The following PTPN14 variants were observed in gnomAD, a reference collection of about 807,000 sequenced individuals.
PTPN14 encodes the protein tyrosine-protein phosphatase non-receptor type 14.
PTPN14 carries 53 observed loss-of-function variants against 126.8 expected under a neutral mutation model. That is an observed-to-expected ratio of 0.42 (90% confidence interval 0.34 to 0.53). The LOEUF is 0.53. Ranked by LOEUF, PTPN14 falls within the 20% of genes least tolerant of loss-of-function variation. The probability of loss-of-function intolerance (pLI) is 0.08; values close to 1 mark genes in which losing one functional copy is unlikely to be tolerated. For synonymous variants in PTPN14, 630 were observed against 599.3 expected (o/e 1.05, Z -0.75); for missense variants, 1,257 against 1,552.9 (o/e 0.81, Z 3.20).
chr1:214,512,501 C>T (rs139518293), intron 1 of PTPN14, among the ~76,000 whole-genome samples: 60 of 152,138 alleles, frequency 3.9e-4, no homozygotes, highest in African/African-American at 1.3e-3. Flanking sequence ...CTAAAGTAGT[C>T]AAGTTCATGG....
intron 1 of PTPN14, among the ~76,000 whole-genome samples, chr1:214,479,378 C>T (rs1328119763): frequency 4.8e-5 from 7 of 146,676 alleles, no homozygotes; most frequent in South Asian, 4.4e-4. Context: ...CTCGCTCTGT[C>T]GCCCAGGCTG....
chr1:214,511,598 G>A (rs1654975705), intron 1 of PTPN14, among the ~76,000 whole-genome samples: 1 of 152,120 alleles, frequency 6.6e-6, no homozygotes, highest in South Asian at 2.1e-4. Context: ...AGCTGCTACA[G>A]AAAACAGTTC....
intron 3 of PTPN14, among the ~76,000 whole-genome samples, chr1:214,433,941 CACACACACACAAAAAAA>C (rs1418220185): frequency 2.3e-4 from 4 of 17,708 alleles, no homozygotes; most frequent in South Asian, 1.9e-3. Flanking sequence ...CACACACACA[CACACACACACAAAAAAA>C]AAAAAAAAAA....
At chr1:214,377,061 C>T (rs1265573263) in intron 14 of PTPN14, among the ~76,000 whole-genome samples, 1 of 152,212 alleles carries the variant, frequency 6.6e-6, no homozygotes, top group Non-Finnish European at 1.5e-5. Context: ...TTCTTCGCTT[C>T]TGAAACACTA....
At chr1:214,510,772 T>C (rs1654953441) in intron 1 of PTPN14, among the ~76,000 whole-genome samples, 1 of 152,250 alleles carries the variant, frequency 6.6e-6, no homozygotes, top group Admixed American at 6.5e-5. Flanking sequence ...GTTCTATGCC[T>C]TGGCTACCAC....
Position 214,451,908 on chromosome 1 carries a change from G to C in PTPN14, c.241C>G (p.Pro81Ala). Residue 81 changes from proline to alanine, a missense_variant, in exon 3 of 19, where the codon CCT becomes GCT. Physicochemically the swap from Pro to Ala is conservative, Grantham distance 27. Transcript: ENST00000366956. Reference protein sequence around the residue: ...QQARWVELEKPLKKHLDKFAN... With the variant: ...QQARWVELEKALKKHLDKFAN... ...AATTTGTCCAGATGTTTCTTCAGAGGTTTCTCCAGCTCCACCCATCGTGCT... is the reference window on the plus strand; with the variant it reads ...AATTTGTCCAGATGTTTCTTCAGAGCTTTCTCCAGCTCCACCCATCGTGCT... The C allele has an allele frequency of 6.2e-7, 1 of 1,614,206 alleles. No individual in the cohort carries two copies. Among genetic ancestry groups the C allele is most frequent in the South Asian group, 1.1e-5 (1 of 91,088 alleles).
intron 1 of PTPN14, among the ~76,000 whole-genome samples, chr1:214,468,303 C>A (rs1660684879): frequency 6.6e-6 from 1 of 152,122 alleles, no homozygotes; most frequent in Non-Finnish European, 1.5e-5. Context: ...CGCCCGTAAT[C>A]CTAGCACTTT....
intron 1 of PTPN14, among the ~76,000 whole-genome samples, chr1:214,501,886 C>A (rs1027534561): frequency 6.6e-6 from 1 of 151,756 alleles, no homozygotes; most frequent in African/African-American, 2.4e-5. Flanking sequence ...GGTGAAACCC[C>A]GTCTCTATAA....
intron 3 of PTPN14, among the ~76,000 whole-genome samples, chr1:214,418,268 T>C (rs796967103): frequency 3.3e-5 from 5 of 152,310 alleles, no homozygotes; most frequent in African/African-American, 9.6e-5. Flanking sequence ...CGACCCACAG[T>C]GGATCTGTCA....
chr1:214,389,244 C>A lies in PTPN14; in HGVS notation c.987+1744G>T, dbSNP rs1000557747. Among the ~76,000 whole-genome samples, 3 of 152,184 alleles carry A rather than the reference C, an allele frequency of 2.0e-5. No individual in the cohort carries two copies. In the East Asian group the frequency reaches 5.8e-4, roughly 29 times the overall value. On this transcript the variant is annotated intron_variant, in intron 11 of 18. Coordinates refer to ENST00000366956, the MANE Select transcript of PTPN14 (RefSeq NM_005401.5). Reference sequence around the variant, plus strand: ...GTTTTCTTGCCTTATTTAAAAAAAACCAATAAGTAAGTTACGGTTTATGAA... The same window carrying A: ...GTTTTCTTGCCTTATTTAAAAAAAAACAATAAGTAAGTTACGGTTTATGAA...
At chr1:214,361,533 G>A (rs1332695146) in intron 18 of PTPN14, among the ~76,000 whole-genome samples, 4 of 152,174 alleles carry the variant, frequency 2.6e-5, no homozygotes, top group South Asian at 4.1e-4. Context: ...CCCAAGCCAA[G>A]GAAGCACAAA....
At chr1:214,496,424 C>T (rs1654515369) in intron 1 of PTPN14, among the ~76,000 whole-genome samples, 4 of 152,284 alleles carry the variant, frequency 2.6e-5, no homozygotes, top group Admixed American at 2.6e-4. Flanking sequence ...TGCACACTGA[C>T]CTCACTCATG....
chr1:214,433,951 CAAAAAAAAAAAAAAAA>C (rs1158472144), intron 3 of PTPN14, among the ~76,000 whole-genome samples: 2,325 of 98,566 alleles, frequency 0.024, 35 homozygotes, highest in South Asian at 0.04. Flanking sequence ...CACACACACA[CAAAAAAAAAAAAAAAA>C]AAAAACTCAA....
Position 214,364,031 on chromosome 1 carries a change from G to A in PTPN14, c.3435+481C>T, listed in dbSNP as rs2102509298. Among the ~76,000 whole-genome samples the A allele has an allele frequency of 6.6e-6, 1 of 152,252 alleles. No individual in the cohort carries two copies. Among genetic ancestry groups the A allele is most frequent in the Non-Finnish European group, 1.5e-5 (1 of 68,018 alleles). On this transcript the variant is annotated intron_variant, in intron 18 of 18. Transcript: ENST00000366956. This position sits in a 1 kb window ranked among gnomAD's most constrained non-coding sequence, Gnocchi z 4.1. Reference sequence around the variant, plus strand: ...GCTCCGCTACACCACGCAACAACCAGACTAGACAAGCAAACAACCCCTCAA... The same window carrying A: ...GCTCCGCTACACCACGCAACAACCAAACTAGACAAGCAAACAACCCCTCAA...
At chr1:214,395,134 A>G in intron 8 of PTPN14, 148 bp from the exon 9 acceptor site, 1 of 710,190 alleles carries the variant, frequency 1.4e-6, no homozygotes, top group East Asian at 2.7e-5. Flanking sequence ...CAAACGAGAA[A>G]AGAAAATGCA....
chr1:214,540,192 A>C (rs978498900), intron 1 of PTPN14, among the ~76,000 whole-genome samples: 1 of 152,214 alleles, frequency 6.6e-6, no homozygotes, highest in Non-Finnish European at 1.5e-5. Context: ...ATTTAAACAC[A>C]CAGGGAGTCT....
chr1:214,353,679 G>A lies in PTPN14; in HGVS notation c.*4243C>T, dbSNP rs1418354183. The stretch of plus-strand genomic sequence containing the variant: ...GAGTGATATGCCTGATGGCCAATCC[G>A]GCTTAAGAGAAGCTGCAGTGCACTA... On this transcript the variant is annotated 3_prime_UTR_variant, in exon 19 of 19. Transcript: ENST00000366956. 4 of 152,352 alleles carry A rather than the reference G, an allele frequency of 2.6e-5. No individual in the cohort carries two copies. The highest frequency in any genetic ancestry group is 1.9e-4 in the East Asian group (1 of 5,188). The allele number at this position is 152,352 out of a possible 1,614,324, so 9.4% of individuals were successfully genotyped here.
At position 214,354,457 on chromosome 1, in the gene PTPN14, A is replaced by C. The variant is rs1271458118; in HGVS notation, c.*3465T>G. Reference sequence around the variant, plus strand: ...CTATCTGGGGAAAGAAGTGCATACCAATGTCTATGCTATCTGTAAATGCTA... The same window carrying C: ...CTATCTGGGGAAAGAAGTGCATACCCATGTCTATGCTATCTGTAAATGCTA... On this transcript the variant is annotated 3_prime_UTR_variant, in exon 19 of 19. Coordinates refer to ENST00000366956, the MANE Select transcript of PTPN14 (RefSeq NM_005401.5). 3 of 152,196 alleles carry C rather than the reference A, an allele frequency of 2.0e-5. No individual in the cohort carries two copies. The highest frequency in any genetic ancestry group is 2.0e-4 in the Admixed American group (3 of 15,276). The allele number at this position is 152,196 out of a possible 1,614,324, so 9.4% of individuals were successfully genotyped here.
rs528354799 is a variant in PTPN14 at position 214,384,652 on chromosome 1, T to C, written c.1203A>G (p.Gln401=). 1.3e-5 allele frequency: 21 copies of C among 1,613,910 alleles called. No homozygotes were observed. Among genetic ancestry groups the C allele is most frequent in the Non-Finnish European group, 1.4e-5 (17 of 1,180,014 alleles). ...ATACAGGGGAGGCCTGGATGAAACT[T>C]TGCGAGCAGTTGAGGGAGTTGACGC... ...VHSVNSLNCS[Q]SFIQASPVSS... The change falls in exon 13 of 19, where the codon CAA becomes CAG. Residue 401 remains glutamine (Q), a synonymous_variant. Coordinates refer to ENST00000366956, the MANE Select transcript of PTPN14 (RefSeq NM_005401.5). This position sits in a 1 kb window ranked among gnomAD's most constrained non-coding sequence, Gnocchi z 5.3.
Sources: allele counts gnomAD v4.1 joint callset (sites outside exome capture counted in the v4.1 genomes callset), GRCh38; gene constraint gnomAD v4.1.1; non-coding constraint Gnocchi (gnomAD v3.1); transcripts MANE v1.5; gene names NCBI Gene and HGNC (gene_info 2026-07-23, HGNC 2026-07-21).